The following CCSER1 variants were observed in gnomAD, a reference collection of about 807,000 sequenced individuals.
CCSER1 encodes coiled-coil serine rich protein 1, also known as serine-rich coiled-coil domain-containing protein 1.
In CCSER1, 41 loss-of-function variants were observed where a neutral mutation model predicts 82.0. The observed-to-expected ratio is 0.50, with a 90% confidence interval of 0.39 to 0.65. The LOEUF (loss-of-function observed/expected upper bound fraction) is 0.65, where lower values mean the gene tolerates loss of function less well. CCSER1 is among the 30% of genes least tolerant of loss of function. CCSER1 has a pLI of 0.00. For synonymous variants in CCSER1, 414 were observed against 383.9 expected (o/e 1.08, Z -0.92); for missense variants, 1,119 against 1,064.2 (o/e 1.05, Z -0.72).
At chr4:90,540,557 A>C (rs1775978793) in intron 5 of CCSER1, among the ~76,000 whole-genome samples, 1 of 152,220 alleles carries the variant, frequency 6.6e-6, no homozygotes, top group African/African-American at 2.4e-5. Flanking sequence ...TTTTATTTTT[A>C]TGTAGTTAAT....
At chr4:90,329,708 T>C (rs1057325842) in intron 3 of CCSER1, among the ~76,000 whole-genome samples, 3 of 152,164 alleles carry the variant, frequency 2.0e-5, no homozygotes, top group Non-Finnish European at 4.4e-5. Flanking sequence ...AGCAGTATGC[T>C]TAAGATTTGA....
At chr4:90,440,040 C>T (rs1489450080) in intron 4 of CCSER1, among the ~76,000 whole-genome samples, 1 of 151,812 alleles carries the variant, frequency 6.6e-6, no homozygotes, top group African/African-American at 2.4e-5. Context: ...TGCTTTGTCA[C>T]CTAGGCTGGA....
chr4:91,238,655 T>A lies in CCSER1; in HGVS notation c.2217+152661T>A, dbSNP rs574470184. ...TATTATTTTAATTTAAGGTCATCAA[T>A]GAAGATAATCCAATTGGTTGGCCAG... On this transcript the variant is annotated intron_variant, in intron 10 of 10. Coordinates refer to ENST00000509176, the MANE Select transcript of CCSER1 (RefSeq NM_001145065.2). 6.0e-4 allele frequency among the ~76,000 whole-genome samples: 91 copies of A among 152,296 alleles called. 1 individual carries two copies. In the South Asian group the frequency reaches 0.019, roughly 32 times the overall value.
chr4:90,210,039 A>G (rs1419490500), intron 1 of CCSER1, among the ~76,000 whole-genome samples: 1 of 152,084 alleles, frequency 6.6e-6, no homozygotes, highest in Non-Finnish European at 1.5e-5. Context: ...TAGCAAAGTA[A>G]ACACTTGGAC....
intron 10 of CCSER1, among the ~76,000 whole-genome samples, chr4:91,430,920 T>G (rs952606221): frequency 6.6e-6 from 1 of 152,202 alleles, no homozygotes; most frequent in African/African-American, 2.4e-5. Context: ...TTTTATTGTA[T>G]ATAAGCCTTT....
intron 10 of CCSER1, among the ~76,000 whole-genome samples, chr4:91,121,911 CA>C (rs1727124844): frequency 6.6e-6 from 1 of 150,990 alleles, no homozygotes; most frequent in African/African-American, 2.4e-5. Context: ...CTATGGATGT[CA>C]AAAGAAATTA....
At chr4:90,218,403 C>G (rs867896358) in intron 1 of CCSER1, among the ~76,000 whole-genome samples, 1 of 152,104 alleles carries the variant, frequency 6.6e-6, no homozygotes, top group African/African-American at 2.4e-5. Flanking sequence ...TACCCCAAAA[C>G]CCAGCATCAC....
intron 5 of CCSER1, among the ~76,000 whole-genome samples, chr4:90,564,716 G>C (rs72887409): frequency 0.042 from 6,340 of 150,590 alleles, 342 homozygotes; most frequent in African/African-American, 0.12. Context: ...TGTGAGATAA[G>C]AGTCTAATTC....
chr4:91,172,416 C>T (rs1732858163), intron 10 of CCSER1, among the ~76,000 whole-genome samples: 1 of 152,054 alleles, frequency 6.6e-6, no homozygotes, highest in African/African-American at 2.4e-5. Context: ...GAGTGAAGGC[C>T]CAGAAACCTG....
chr4:91,067,610 G>A (rs1412393408), intron 9 of CCSER1, among the ~76,000 whole-genome samples: 1 of 142,372 alleles, frequency 7.0e-6, no homozygotes. Context: ...CTCCCACAGT[G>A]CTGGGATTAC....
intron 5 of CCSER1, among the ~76,000 whole-genome samples, chr4:90,530,291 T>C (rs2153629920): frequency 6.6e-6 from 1 of 152,286 alleles, no homozygotes; most frequent in African/African-American, 2.4e-5. Flanking sequence ...TCTTATAGTT[T>C]TCATAGATTA....
intron 9 of CCSER1, among the ~76,000 whole-genome samples, chr4:91,065,394 T>C (rs935296280): frequency 6.6e-6 from 1 of 152,172 alleles, no homozygotes; most frequent in African/African-American, 2.4e-5. Flanking sequence ...ATTAATATAA[T>C]GGTAAAAGTT....
At chr4:91,377,503 A>C (rs1316294200) in intron 10 of CCSER1, among the ~76,000 whole-genome samples, 1 of 152,186 alleles carries the variant, frequency 6.6e-6, no homozygotes, top group Non-Finnish European at 1.5e-5. Flanking sequence ...ATGGCCAGTG[A>C]TGTGAGCATG....
At chr4:91,220,557 T>C (rs551717986) in intron 10 of CCSER1, among the ~76,000 whole-genome samples, 1 of 152,304 alleles carries the variant, frequency 6.6e-6, no homozygotes, top group South Asian at 2.1e-4. Context: ...ATAAGTGATA[T>C]GGGTTAAAGG....
At chr4:90,297,695 T>C (rs1471910663) in intron 1 of CCSER1, among the ~76,000 whole-genome samples, 5 of 151,558 alleles carry the variant, frequency 3.3e-5, no homozygotes, top group South Asian at 2.1e-4. Flanking sequence ...TGAGAGTTTT[T>C]AGCATGAAGG....
chr4:90,312,567 T>C (rs1450535446), intron 2 of CCSER1, among the ~76,000 whole-genome samples: 1 of 152,012 alleles, frequency 6.6e-6, no homozygotes, highest in Non-Finnish European at 1.5e-5. Flanking sequence ...GTCCAGGGTC[T>C]TAGAAGGAGA....
intron 1 of CCSER1, among the ~76,000 whole-genome samples, chr4:90,245,334 G>A (rs559684030): frequency 1.3e-5 from 2 of 152,140 alleles, no homozygotes; most frequent in East Asian, 1.9e-4. Context: ...AAAAAATTTA[G>A]CCTGATTTTT....
chr4:91,311,594 C>T (rs1560582528), intron 10 of CCSER1, among the ~76,000 whole-genome samples: 1 of 151,746 alleles, frequency 6.6e-6, no homozygotes, highest in Non-Finnish European at 1.5e-5. Context: ...AATGTATTTA[C>T]CTTTCAGTTC....
intron 10 of CCSER1, among the ~76,000 whole-genome samples, chr4:91,587,586 C>T (rs995923819): frequency 3.3e-5 from 5 of 151,626 alleles, no homozygotes; most frequent in South Asian, 2.1e-4. Context: ...CTTTTTATTC[C>T]GTAAACGTAA....
Sources: gnomAD v4.1 joint callset for allele counts (sites outside exome capture counted in the v4.1 genomes callset) on GRCh38, gnomAD v4.1.1 for gene constraint, MANE v1.5 for transcripts, NCBI Gene and HGNC (gene_info 2026-07-23, HGNC 2026-07-21) for gene names.